The following RYR3 variants were observed in gnomAD, a reference collection of about 807,000 sequenced individuals.
RYR3 encodes the protein ryanodine receptor 3, also known as brain ryanodine receptor-calcium release channel.
A neutral mutation model predicts 584.3 loss-of-function variants in RYR3; 207 were observed. That is an observed-to-expected ratio of 0.35 (90% confidence interval 0.32 to 0.40). The LOEUF is 0.40. Among genes scored for constraint, RYR3 ranks in the 10% least tolerant of loss-of-function variants. The pLI is 1.00. For synonymous variants in RYR3, 2,416 were observed against 2,248.5 expected (o/e 1.07, Z -2.11); for missense variants, 5,616 against 6,089.2 (o/e 0.92, Z 2.59).
rs775748700 is a variant in RYR3, at chr15:33,729,018, C to A, written c.7195C>A (p.Leu2399Ile). The A allele has an allele frequency of 3.1e-6, 5 of 1,612,734 alleles. No individual in the cohort carries two copies. Among genetic ancestry groups the A allele is most frequent in the Non-Finnish European group, 4.2e-6 (5 of 1,179,580 alleles). ...FLPDLRASAS[L>I]DTVSLSTTEA... Reference sequence around the variant, plus strand: ...ACCTGACCTAAGAGCTTCTGCCTCTCTAGATACAGTAAGTTGCAAAAATAA... The same window carrying A: ...ACCTGACCTAAGAGCTTCTGCCTCTATAGATACAGTAAGTTGCAAAAATAA... Residue 2399 changes from leucine to isoleucine, a missense_variant, in exon 47 of 104, where the codon CTA becomes ATA. By Grantham distance (5) the Leu-to-Ile change is conservative (BLOSUM62 2). Around this residue, in one of 9 missense-constraint regions of RYR3, gnomAD observed 1,280 missense variants for 1,426.2 expected, o/e 0.90. Coordinates refer to ENST00000634891, the MANE Select transcript of RYR3 (RefSeq NM_001036.6).
At chr15:33,490,469 G>T (rs1047427168) in intron 2 of RYR3, among the ~76,000 whole-genome samples, 11 of 152,070 alleles carry the variant, frequency 7.2e-5, no homozygotes, top group African/African-American at 2.4e-4. Context: ...TCTTTGGGGT[G>T]GTTCAGGTGC....
chr15:33,779,057 C>T (rs1315042021), intron 64 of RYR3, among the ~76,000 whole-genome samples: 1 of 152,194 alleles, frequency 6.6e-6, no homozygotes, highest in Non-Finnish European at 1.5e-5. Context: ...GAATGCACAG[C>T]TTTCTGCCAA....
At chr15:33,698,573 C>T (rs1596215875) in intron 40 of RYR3, among the ~76,000 whole-genome samples, 1 of 152,206 alleles carries the variant, frequency 6.6e-6, no homozygotes, top group East Asian at 1.9e-4. Flanking sequence ...TAAACTGCTT[C>T]CACAGGCAGT....
chr15:33,620,743 C>T (rs1419468112), intron 19 of RYR3, among the ~76,000 whole-genome samples: 1 of 152,120 alleles, frequency 6.6e-6, no homozygotes, highest in Admixed American at 6.5e-5. Context: ...TTTGTTGGAT[C>T]GCTTCTCACG....
intron 55 of RYR3, among the ~76,000 whole-genome samples, 199 bp from the exon 56 acceptor site, chr15:33,749,780 G>T (rs975060649): frequency 7.2e-5 from 11 of 152,158 alleles, no homozygotes; most frequent in African/African-American, 2.4e-4. Flanking sequence ...GTTAGAAATT[G>T]TTTTCTATGT....
chr15:33,414,662 T>G (rs2043652285), intron 1 of RYR3, among the ~76,000 whole-genome samples: 2 of 152,326 alleles, frequency 1.3e-5, no homozygotes, highest in Non-Finnish European at 2.9e-5. Flanking sequence ...TGGAGTGCAG[T>G]GGCGTGATCT....
At chr15:33,833,131 G>A (rs990727742) in intron 86 of RYR3, among the ~76,000 whole-genome samples, 17 of 152,248 alleles carry the variant, frequency 1.1e-4, no homozygotes, top group South Asian at 2.1e-4. Flanking sequence ...AGGATTATGC[G>A]TGGCTTTATA....
intron 47 of RYR3, among the ~76,000 whole-genome samples, chr15:33,729,562 C>T (rs1162427857): frequency 6.6e-6 from 1 of 151,804 alleles, no homozygotes; most frequent in East Asian, 1.9e-4. Context: ...AGGGGCCTGA[C>T]GAAGGTCAAT....
At chr15:33,701,364 G>A (rs113033879) in intron 42 of RYR3, among the ~76,000 whole-genome samples, 101 of 152,244 alleles carry the variant, frequency 6.6e-4, no homozygotes, top group Middle Eastern at 3.4e-3. Flanking sequence ...ACCAGATGCC[G>A]GTGGTTCCTA....
At chr15:33,664,728 G>T (rs951735099) in intron 36 of RYR3, among the ~76,000 whole-genome samples, 1 of 151,260 alleles carries the variant, frequency 6.6e-6, no homozygotes, top group Non-Finnish European at 1.5e-5. Flanking sequence ...TTAGCATGAC[G>T]CCTGTCATAG....
rs556149624 is a variant in RYR3 at position 33,580,624 on chromosome 15, T to C, written c.1437+480T>C. Reference sequence around the variant, plus strand: ...GCCTGACCATGAGGAAAATATCAGCTTGGGGCTTAAGACACCCAGGACCTC... The same window carrying C: ...GCCTGACCATGAGGAAAATATCAGCCTGGGGCTTAAGACACCCAGGACCTC... On this transcript the variant is annotated intron_variant, in intron 13 of 103. Transcript: ENST00000634891. Among the ~76,000 whole-genome samples, 15 of 152,270 alleles carry C rather than the reference T, an allele frequency of 9.9e-5. No individual in the cohort carries two copies. In the East Asian group the frequency reaches 1.4e-3, roughly 14 times the overall value.
At chr15:33,662,094 G>GCTGGAT in intron 34 of RYR3, 59 bp from the exon 35 acceptor site, 1 of 1,407,840 alleles carries the variant, frequency 7.1e-7, no homozygotes, top group Non-Finnish European at 9.5e-7. Context: ...GGATGAAATA[G>GCTGGAT]CTGGATTCTG....
intron 1 of RYR3, among the ~76,000 whole-genome samples, chr15:33,464,487 T>TACAC (rs1567295589): frequency 2.4e-5 from 2 of 84,710 alleles, no homozygotes; most frequent in African/African-American, 1.3e-4. Flanking sequence ...TATATATATA[T>TACAC]ATACACATAT....
intron 38 of RYR3, among the ~76,000 whole-genome samples, chr15:33,673,958 G>A (rs1300862642): frequency 6.6e-6 from 1 of 152,186 alleles, no homozygotes; most frequent in Non-Finnish European, 1.5e-5. Flanking sequence ...GCCCTGTGCT[G>A]TTTGCCACAG....
chr15:33,364,155 A>G (rs375149751), intron 1 of RYR3, among the ~76,000 whole-genome samples: 48 of 152,334 alleles, frequency 3.2e-4, no homozygotes, highest in African/African-American at 1.1e-3. Context: ...GCTAAGTAAA[A>G]TGTTTTTAAA....
At chr15:33,861,301 A>G in intron 102 of RYR3, 123 bp downstream of exon 102, 1 of 628,786 alleles carries the variant, frequency 1.6e-6, no homozygotes, top group Non-Finnish European at 2.8e-6. Context: ...AGTCCCCATG[A>G]GCCTGTACCT....
intron 1 of RYR3, among the ~76,000 whole-genome samples, chr15:33,358,458 G>T (rs933738026): frequency 6.6e-6 from 1 of 152,158 alleles, no homozygotes; most frequent in African/African-American, 2.4e-5. Flanking sequence ...TTTAGACAGG[G>T]TTGAAATGCA....
At chr15:33,591,981 A>G (rs377183002) in intron 16 of RYR3, among the ~76,000 whole-genome samples, 1 of 152,244 alleles carries the variant, frequency 6.6e-6, no homozygotes, top group East Asian at 1.9e-4. Context: ...TCTTCAAAGT[A>G]TAATTCCCAT....
chr15:33,499,935 C>T (rs770391453), intron 2 of RYR3, among the ~76,000 whole-genome samples: 1 of 152,222 alleles, frequency 6.6e-6, no homozygotes, highest in Middle Eastern at 3.4e-3. Context: ...GGGCTCGTGA[C>T]CACGGGGAGA....
Sources: gnomAD v4.1 joint callset for allele counts (sites outside exome capture counted in the v4.1 genomes callset) on GRCh38, gnomAD v4.1.1 for gene constraint, gnomAD v4.1.1 regional missense constraint, MANE v1.5 for transcripts, NCBI Gene and HGNC (gene_info 2026-07-23, HGNC 2026-07-21) for gene names.